MBNL1: variants seen among roughly 807,000 people sequenced by gnomAD.
MBNL1 encodes the protein muscleblind like splicing regulator 1, also known as muscleblind-like protein 1.
MBNL1 carries 8 observed loss-of-function variants against 42.2 expected under a neutral mutation model. The ratio of observed to expected loss-of-function variants is 0.19; its 90% CI spans 0.11 to 0.34. The LOEUF is 0.34. MBNL1 is among the 10% of genes least tolerant of loss of function. The pLI is 1.00. For synonymous variants in MBNL1, 169 were observed against 173.9 expected (o/e 0.97, Z 0.22); for missense variants, 309 against 495.3 (o/e 0.62, Z 3.57).
chr3:152,452,639 A>G (rs189987389), intron 6 of MBNL1, among the ~76,000 whole-genome samples: 166 of 152,234 alleles, frequency 1.1e-3, no homozygotes, highest in Non-Finnish European at 1.8e-3. Context: ...CTGCAGGGCT[A>G]TTGTGAAAGA....
intron 2 of MBNL1, among the ~76,000 whole-genome samples, chr3:152,368,805 G>T (rs1269402005): frequency 6.6e-6 from 1 of 151,884 alleles, no homozygotes; most frequent in African/African-American, 2.4e-5. Flanking sequence ...TCATGATTTG[G>T]TTCTCTGTCT....
In MBNL1 at chr3:152,365,575, A is replaced by G. The variant is rs190791240; in HGVS notation, c.175-49366A>G. On this transcript the variant is annotated intron_variant, in intron 2 of 9. Transcript: ENST00000324210. ...GGATGTACTAGAGGTTAAGTTAGTA[A>G]TGTTAAGCAGTTAATTTTTTTTCCC... 3.7e-3 allele frequency among the ~76,000 whole-genome samples: 567 copies of G among 152,256 alleles called. 4 individuals are homozygous for G. Among genetic ancestry groups the G allele is most frequent in the South Asian group, 0.022 (107 of 4,824 alleles).
intron 1 of MBNL1, among the ~76,000 whole-genome samples, chr3:152,296,878 G>T (rs2058739668): frequency 6.6e-6 from 1 of 152,044 alleles, no homozygotes; most frequent in African/African-American, 2.4e-5. Context: ...TAAGCCATGG[G>T]GTTACTGAGA....
chr3:152,423,739 C>G (rs1034369573), intron 3 of MBNL1, among the ~76,000 whole-genome samples: 3 of 152,190 alleles, frequency 2.0e-5, no homozygotes, highest in African/African-American at 7.2e-5. Flanking sequence ...CCACCATGAT[C>G]AAGTCGGTTT....
Position 152,342,506 on chromosome 3 carries a change from T to A in MBNL1, c.174+42139T>A, listed in dbSNP as rs2093470023. ...CAGGGTCACACAACTAGAAAAAGAT[T>A]GAGTCAGAATTCAGGCCCAACTCTG... On this transcript the variant is annotated intron_variant, in intron 2 of 9. Transcript: ENST00000324210. Among the ~76,000 whole-genome samples, 8 of 150,378 alleles carry A rather than the reference T, an allele frequency of 5.3e-5. No homozygotes were observed. The Admixed American group carries it at 5.3e-4, about 10-fold the overall frequency.
intron 2 of MBNL1, among the ~76,000 whole-genome samples, chr3:152,408,279 T>C (rs2098482572): frequency 6.6e-6 from 1 of 152,182 alleles, no homozygotes; most frequent in African/African-American, 2.4e-5. Flanking sequence ...TGGTATAGTA[T>C]ACTACTTGTA....
chr3:152,307,035 G>A (rs1291179150), intron 2 of MBNL1, among the ~76,000 whole-genome samples: 1 of 152,026 alleles, frequency 6.6e-6, no homozygotes, highest in Non-Finnish European at 1.5e-5. Context: ...TGTTGTCCAG[G>A]CTTGAGTGCA....
At chr3:152,406,819 A>G (rs35485756) in intron 2 of MBNL1, among the ~76,000 whole-genome samples, 32,521 of 152,132 alleles carry the variant, frequency 0.21, 3,678 homozygotes, top group South Asian at 0.29. Flanking sequence ...CAGCTATTGA[A>G]TACTCAAGAG....
At position 152,383,088 on chromosome 3, in the gene MBNL1, A is replaced by G. The variant is rs529838039; in HGVS notation, c.175-31853A>G. On this transcript the variant is annotated intron_variant, in intron 2 of 9. Transcript: ENST00000324210. ...GCTTTTGTTTTGACACAAGTTTACC[A>G]TGCGTTTTCTATAGTCTCCTTTCAT... Among the ~76,000 whole-genome samples, 3 of 152,174 alleles carry G rather than the reference A, an allele frequency of 2.0e-5. No homozygotes were observed. In the East Asian group the frequency reaches 5.8e-4, roughly 29 times the overall value.
intron 2 of MBNL1, among the ~76,000 whole-genome samples, chr3:152,392,095 G>T (rs1455612671): frequency 6.6e-6 from 1 of 151,268 alleles, no homozygotes; most frequent in African/African-American, 2.4e-5. Context: ...AAAAAAGTAT[G>T]ATTACATTAT....
chr3:152,336,684 C>G (rs1263396564), intron 2 of MBNL1, among the ~76,000 whole-genome samples: 4 of 152,194 alleles, frequency 2.6e-5, no homozygotes, highest in Non-Finnish European at 5.9e-5. Context: ...CTCTTAGTGA[C>G]TTATCAGACA....
chr3:152,427,793 A>T (rs979893774), intron 3 of MBNL1, among the ~76,000 whole-genome samples: 43 of 150,598 alleles, frequency 2.9e-4, no homozygotes, highest in African/African-American at 5.8e-4. Flanking sequence ...AATTAAAAAA[A>T]TTTTTTAAAA....
intron 4 of MBNL1, among the ~76,000 whole-genome samples, chr3:152,442,348 A>G (rs962394976): frequency 5.3e-5 from 8 of 152,240 alleles, no homozygotes; most frequent in African/African-American, 1.7e-4. Flanking sequence ...AGAAATGCTT[A>G]TGCTGCATTG....
chr3:152,418,355 C>T (rs148769308), intron 3 of MBNL1, among the ~76,000 whole-genome samples: 5 of 147,380 alleles, frequency 3.4e-5, no homozygotes, highest in Admixed American at 2.7e-4. Flanking sequence ...CTGGCCAACT[C>T]AGGGTCCTTG....
At chr3:152,427,946 A>C (rs2098956733) in intron 3 of MBNL1, among the ~76,000 whole-genome samples, 1 of 151,814 alleles carries the variant, frequency 6.6e-6, no homozygotes, top group Non-Finnish European at 1.5e-5. Context: ...AAACATTGCA[A>C]AACAAACAGT....
intron 1 of MBNL1, among the ~76,000 whole-genome samples, chr3:152,296,695 T>TGTGTGC (rs1304327737): frequency 1.3e-5 from 2 of 151,920 alleles, no homozygotes; most frequent in Non-Finnish European, 2.9e-5. Context: ...TGTGTGTGTG[T>TGTGTGC]GTGTGTTTTC....
At chr3:152,276,801 G>A (rs535241274) in intron 1 of MBNL1, among the ~76,000 whole-genome samples, 2 of 152,120 alleles carry the variant, frequency 1.3e-5, no homozygotes, top group African/African-American at 2.4e-5. Context: ...TAACCTTACA[G>A]GAGTTGTGTT....
intron 2 of MBNL1, among the ~76,000 whole-genome samples, chr3:152,335,517 G>A (rs1197744153): frequency 1.3e-5 from 2 of 152,110 alleles, no homozygotes; most frequent in East Asian, 1.9e-4. Flanking sequence ...TAACTTCTTA[G>A]TCACTAATCT....
intron 4 of MBNL1, among the ~76,000 whole-genome samples, chr3:152,433,792 C>T (rs1030129421): frequency 2.0e-5 from 3 of 150,502 alleles, no homozygotes; most frequent in Non-Finnish European, 4.4e-5. Context: ...CCTCTAAGTT[C>T]TAGAGTAAAG....
Sources: allele counts gnomAD v4.1 joint callset (sites outside exome capture counted in the v4.1 genomes callset), GRCh38; gene constraint gnomAD v4.1.1; transcripts MANE v1.5; gene names NCBI Gene and HGNC (gene_info 2026-07-23, HGNC 2026-07-21).